Variants in GALNT14 observed in about 807,000 individuals in gnomAD.
GALNT14 encodes the protein UDP-GalNAc:polypeptide N-acetylgalactosaminyltransferase 14.
Under a neutral mutation model 77.5 loss-of-function variants are expected in GALNT14, and 60 were observed. The observed-to-expected ratio is 0.77, with a 90% CI of 0.63 to 0.96. GALNT14 has a LOEUF of 0.96. GALNT14 is among the 40% of genes least tolerant of loss of function. The pLI is 0.00. For synonymous variants in GALNT14, 280 were observed against 281.7 expected, an observed-to-expected ratio of 0.99 and a Z score of 0.06; for missense variants, 710 against 731.0, an observed-to-expected ratio of 0.97 and a Z score of 0.33.
At chr2:30,928,685 C>T (rs557377418) in intron 11 of GALNT14, among the ~76,000 whole-genome samples, 36 of 152,118 alleles carry the variant, frequency 2.4e-4, no homozygotes, top group Non-Finnish European at 4.6e-4. Flanking sequence ...GGCGTGATCT[C>T]GGCTCACTGC....
rs1383509220 is a variant in GALNT14 at position 30,962,061 on chromosome 2, G to C, written c.399-3597C>G. ...AATAAGCCCTCCGGGAGCTTCTGAA[G>C]CCTGCTCAAGTTTGAGAGCCCCTGC... On this transcript the variant is annotated intron_variant, in intron 3 of 14. Coordinates refer to ENST00000349752, the MANE Select transcript of GALNT14 (RefSeq NM_024572.4). 2.0e-5 allele frequency among the ~76,000 whole-genome samples: 3 copies of C among 152,092 alleles called. No homozygotes were observed. In the East Asian group the frequency reaches 5.8e-4, roughly 29 times the overall value.
rs762779493 is a variant in GALNT14, at chr2:30,929,440, T to C, written c.1106A>G (p.Tyr369Cys). ...GGCGAATGGCCGGGCAGCGTAATAGTATTGCTTGTATTCATCCATCCACAC... is the reference window on the plus strand; with the variant it reads ...GGCGAATGGCCGGGCAGCGTAATAGCATTGCTTGTATTCATCCATCCACAC... The part of the protein sequence containing the change: ...AEVWMDEYKQ[Y>C]YYAARPFALE... Residue 369 changes from tyrosine to cysteine, a missense_variant, in exon 11 of 15, where the codon TAC becomes TGC. Physicochemically the swap from Tyr to Cys is radical, Grantham distance 194. Transcript: ENST00000349752. 1.9e-6 allele frequency: 3 copies of C among 1,613,976 alleles called. No homozygotes were observed. The highest frequency in any genetic ancestry group is 2.2e-5 in the East Asian group (1 of 44,894).
At chr2:31,114,675 C>A (rs1678011082) in intron 1 of GALNT14, 3 of 693,040 alleles carry the variant, frequency 4.3e-6, no homozygotes, top group African/African-American at 3.6e-5. Flanking sequence ...TAACAATAAT[C>A]CCAGAAGGGG....
Position 30,955,681 on chromosome 2 carries a change from G to T in GALNT14, c.591C>A (p.Phe197Leu). 6.2e-7 allele frequency: 1 copy of T among 1,614,218 alleles called. No individual in the cohort carries two copies. The highest frequency in any genetic ancestry group is 8.5e-7 in the Non-Finnish European group (1 of 1,180,040). ...TGTTCACCTCACAGTGGCTGTCGAG[G>T]AAAGTCAGAGTGGTGCCCTGGGCGA... is the stretch of plus-strand genomic sequence containing the variant. ...ADIAQGTTLT[F>L]LDSHCEVNRD... The change falls in exon 6 of 15, where the codon TTC (phenylalanine) becomes TTA (leucine). Residue 197 changes from phenylalanine to leucine, a missense_variant. By Grantham distance (22) the Phe-to-Leu change is conservative. Coordinates refer to ENST00000349752, the MANE Select transcript of GALNT14 (RefSeq NM_024572.4).
At chr2:31,058,999 A>C (rs1326678691) in intron 1 of GALNT14, among the ~76,000 whole-genome samples, 1 of 152,206 alleles carries the variant, frequency 6.6e-6, no homozygotes, top group Admixed American at 6.5e-5. Context: ...GAGAAACAGA[A>C]AAGGCATTGA....
chr2:31,063,556 T>C (rs1305913092), intron 1 of GALNT14, among the ~76,000 whole-genome samples: 2 of 152,226 alleles, frequency 1.3e-5, no homozygotes, highest in African/African-American at 2.4e-5. Flanking sequence ...CCTTTTTGGT[T>C]CCATATGAAA....
chr2:31,089,486 C>T (rs1208927081), intron 1 of GALNT14, among the ~76,000 whole-genome samples: 2 of 152,136 alleles, frequency 1.3e-5, no homozygotes, highest in African/African-American at 4.8e-5. Flanking sequence ...AAGGGGTTAG[C>T]CAGCAGAACT....
intron 1 of GALNT14, among the ~76,000 whole-genome samples, chr2:31,077,117 C>T (rs1176862290): frequency 6.6e-6 from 1 of 152,176 alleles, no homozygotes; most frequent in African/African-American, 2.4e-5. Flanking sequence ...ACAAACATCA[C>T]CCCATTTGTT....
At chr2:30,949,963 G>C (rs1455343967) in intron 6 of GALNT14, among the ~76,000 whole-genome samples, 2 of 152,218 alleles carry the variant, frequency 1.3e-5, no homozygotes, top group African/African-American at 2.4e-5. Flanking sequence ...TGGGTTGACA[G>C]GACACCTGGG....
At chr2:31,124,002 A>C (rs1312103432) in intron 1 of GALNT14, among the ~76,000 whole-genome samples, 2 of 152,210 alleles carry the variant, frequency 1.3e-5, no homozygotes. Context: ...GGGAGGGGCC[A>C]GCAGAGAGCC....
At chr2:31,016,167 G>C (rs1671337713) in intron 1 of GALNT14, among the ~76,000 whole-genome samples, 1 of 152,188 alleles carries the variant, frequency 6.6e-6, no homozygotes, top group South Asian at 2.1e-4. Flanking sequence ...CGTGCGAACA[G>C]GGTTAGTTTC....
intron 13 of GALNT14, among the ~76,000 whole-genome samples, chr2:30,914,557 G>A (rs185741523): frequency 6.6e-6 from 1 of 152,284 alleles, no homozygotes; most frequent in Admixed American, 6.5e-5. Context: ...CTCTAATAGA[G>A]TAATTCGGCC....
rs142600790 is a variant in GALNT14, at chr2:31,075,478, G to A, written c.129+62480C>T. ...GGAAGCAATCAGAAACAATCTCTGCGTCCTGGAGATCGGCTTGAAAAGTGT... is the reference window on the plus strand; with the variant it reads ...GGAAGCAATCAGAAACAATCTCTGCATCCTGGAGATCGGCTTGAAAAGTGT... On this transcript the variant is annotated intron_variant, in intron 1 of 14. Coordinates refer to ENST00000349752, the MANE Select transcript of GALNT14 (RefSeq NM_024572.4). Among the ~76,000 whole-genome samples, 32 of 152,288 alleles carry A rather than the reference G, an allele frequency of 2.1e-4. 1 individual carries two copies. The East Asian group carries it at 2.5e-3, about 12-fold the overall frequency.
At chr2:30,892,401 A>G in the GALNT14 span, among the ~76,000 whole-genome samples, 1 of 152,222 alleles carries the variant, frequency 6.6e-6, no homozygotes, top group Non-Finnish European at 1.5e-5. Flanking sequence ...TTCCAGGGAC[A>G]GGGGGAAACA....
chr2:31,092,324 A>G (rs777515920), intron 1 of GALNT14, among the ~76,000 whole-genome samples: 4 of 152,016 alleles, frequency 2.6e-5, no homozygotes, highest in Non-Finnish European at 4.4e-5. Context: ...CCTGACTAAT[A>G]CAGATCTCTT....
intron 13 of GALNT14, among the ~76,000 whole-genome samples, chr2:30,918,784 G>A (rs1572964216): frequency 6.7e-6 from 1 of 148,720 alleles, no homozygotes; most frequent in Middle Eastern, 3.4e-3. Context: ...ATCGGGCAGG[G>A]AGGGTGGCAT....
intron 2 of GALNT14, among the ~76,000 whole-genome samples, chr2:30,972,266 T>C (rs1668403999): frequency 6.6e-6 from 1 of 152,306 alleles, no homozygotes; most frequent in Admixed American, 6.5e-5. Flanking sequence ...GGCTCTGGCA[T>C]CCCAGACGGG....
chr2:31,019,507 C>T (rs920543036), intron 1 of GALNT14, among the ~76,000 whole-genome samples: 3 of 152,122 alleles, frequency 2.0e-5, no homozygotes, highest in Non-Finnish European at 4.4e-5. Context: ...TCTGCAGGGC[C>T]TCAGCTAAGC....
chr2:30,955,528 G>C, intron 6 of GALNT14, 90 bp downstream of exon 6: 2 of 1,509,834 alleles, frequency 1.3e-6, no homozygotes, highest in Non-Finnish European at 1.8e-6. Context: ...CAGAAGAACT[G>C]GGGGTTGCAC....
Sources: gnomAD v4.1 joint callset for allele counts (sites outside exome capture counted in the v4.1 genomes callset) on GRCh38, gnomAD v4.1.1 for gene constraint, MANE v1.5 for transcripts, NCBI Gene and HGNC (gene_info 2026-07-23, HGNC 2026-07-21) for gene names.